Variants in LYST observed in about 807,000 individuals in gnomAD.
The protein encoded by LYST is lysosomal-trafficking regulator.
Under a neutral mutation model 413.6 loss-of-function variants are expected in LYST, and 192 were observed. That is an observed-to-expected ratio of 0.46 (90% CI 0.41 to 0.52). LYST has a LOEUF of 0.52. Ranked by LOEUF, LYST falls within the 20% of genes least tolerant of loss-of-function variation. LYST has a pLI of 0.00. For synonymous variants in LYST, 1,525 were observed against 1,567.3 expected, an observed-to-expected ratio of 0.97 and a Z score of 0.64; for missense variants, 3,815 against 4,499.9, an observed-to-expected ratio of 0.85 and a Z score of 4.35.
At chr1:235,815,475 G>A (rs185081812) in intron 3 of LYST, among the ~76,000 whole-genome samples, 209 of 152,212 alleles carry the variant, frequency 1.4e-3, no homozygotes, top group African/African-American at 4.9e-3. Context: ...GAAAAGATTT[G>A]GAGGAAAAGG....
rs112426479 is a variant in LYST, at chr1:235,751,304, G to A, written c.7686C>T (p.Thr2562=). The part of the protein sequence containing the change: ...VLQAAMEFIR[T]TANHDSENLT... ...GGTTTTCAGAGTCATGATTTGCGGT[G>A]GTCCTTATAAATTCCATAGCAGCCT... Residue 2562 remains threonine, a synonymous_variant, in exon 28 of 53, where the codon ACC becomes ACT. Transcript: ENST00000389793. The A allele has an allele frequency of 3.3e-5, 53 of 1,613,388 alleles. 1 individual carries two copies. The African/African-American group carries it at 3.5e-4, about 11-fold the overall frequency.
chr1:235,701,611 G>A (rs1488035370), intron 45 of LYST, among the ~76,000 whole-genome samples: 1 of 152,146 alleles, frequency 6.6e-6, no homozygotes, highest in Non-Finnish European at 1.5e-5. Context: ...CTGGGCGACA[G>A]AGCGAGACTC....
At position 235,686,633 on chromosome 1, in the gene LYST, T is replaced by G. The variant is rs1353156893; in HGVS notation, c.10800+316A>C. On this transcript the variant is annotated intron_variant, in intron 48 of 52. Transcript: ENST00000389793. This position sits in a 1 kb window ranked among gnomAD's most constrained non-coding sequence, Gnocchi z 4.0. ...TTTCTAAGCTTTCAAACTGATAGAC[T>G]CTTACAGTATACTCCTAAGGATTCA... 6.6e-6 allele frequency among the ~76,000 whole-genome samples: 1 copy of G among 152,158 alleles called. No homozygotes were observed. Among genetic ancestry groups the G allele is most frequent in the Admixed American group, 6.5e-5 (1 of 15,284 alleles).
intron 3 of LYST, among the ~76,000 whole-genome samples, chr1:235,816,843 C>T (rs990777083): frequency 1.3e-5 from 2 of 152,088 alleles, no homozygotes; most frequent in Admixed American, 1.3e-4. Context: ...CGAAGGATGC[C>T]AAAAGCAATC....
chr1:235,737,111 T>C (rs1364533124), intron 31 of LYST: 1 of 152,124 alleles, frequency 6.6e-6, no homozygotes, highest in African/African-American at 2.4e-5. Flanking sequence ...GAAAACTATT[T>C]TAAGTGCTTT....
At chr1:235,817,346 C>T (rs1253288058) in intron 3 of LYST, among the ~76,000 whole-genome samples, 3 of 152,144 alleles carry the variant, frequency 2.0e-5, no homozygotes, top group Non-Finnish European at 4.4e-5. Flanking sequence ...ACAGAACTAC[C>T]ATTCAACCCA....
rs1558284679 is a variant in LYST, at chr1:235,810,030, G to C, written c.788C>G (p.Ser263Cys). The change falls in exon 5 of 53, where the codon TCT becomes TGT. Residue 263 changes from serine to cysteine, a missense_variant. Around this residue, in one of 4 missense-constraint regions of LYST, gnomAD observed 1,648 missense variants for 1,810.3 expected, o/e 0.91. Coordinates refer to ENST00000389793, the MANE Select transcript of LYST (RefSeq NM_000081.4). ...AAACTTACAAACTTTTTCTAATAAA[G>C]ATAACAAAACATGACATAAGTCAAA... Reference protein sequence around the residue: ...SPFDLCHVLLSLLEKVCKFDV... With the variant: ...SPFDLCHVLLCLLEKVCKFDV... The C allele has an allele frequency of 6.2e-7, 1 of 1,613,964 alleles. No homozygotes were observed. The highest frequency in any genetic ancestry group is 8.5e-7 in the Non-Finnish European group (1 of 1,179,940).
intron 1 of LYST, among the ~76,000 whole-genome samples, chr1:235,882,050 TCACA>T (rs1355954772): frequency 2.2e-5 from 3 of 138,346 alleles, no homozygotes; most frequent in Admixed American, 7.1e-5. Context: ...ACACACACAC[TCACA>T]CATACACACA....
At chr1:235,733,452 A>G (rs765612983) in intron 34 of LYST, 51 bp downstream of exon 34, 4 of 1,462,292 alleles carry the variant, frequency 2.7e-6, no homozygotes, top group Non-Finnish European at 2.9e-6. Context: ...TTTAACATCA[A>G]TATCTTAAAT....
rs149855689 is a variant in LYST, at chr1:235,679,724, A to C, written c.10801-2105T>G. On this transcript the variant is annotated intron_variant, in intron 48 of 52. Coordinates refer to ENST00000389793, the MANE Select transcript of LYST (RefSeq NM_000081.4). ...GATCCTAGACAAACCAGGGAATTCCAGGGTTCTCCCATGCAACTCATTTTC... is the reference window on the plus strand; with the variant it reads ...GATCCTAGACAAACCAGGGAATTCCCGGGTTCTCCCATGCAACTCATTTTC... Among the ~76,000 whole-genome samples the C allele has an allele frequency of 4.9e-4, 75 of 152,250 alleles. 1 individual carries two copies. The East Asian group carries it at 0.01, about 20-fold the overall frequency.
chr1:235,711,954 T>A, intron 43 of LYST, 103 bp downstream of exon 43: 1 of 803,648 alleles, frequency 1.2e-6, no homozygotes, highest in Non-Finnish European at 1.9e-6. Context: ...ATTTGGGGAC[T>A]CAAAAATTTT....
At chr1:235,838,155 A>G (rs1430421749) in intron 1 of LYST, among the ~76,000 whole-genome samples, 1 of 152,184 alleles carries the variant, frequency 6.6e-6, no homozygotes, top group East Asian at 1.9e-4. Context: ...TCTTGGTGCA[A>G]TAAACAGCAA....
chr1:235,687,099 AAAGTAT>A (rs769033679), intron 47 of LYST, 52 bp from the exon 48 acceptor site: 8 of 1,191,844 alleles, frequency 6.7e-6, no homozygotes, highest in Non-Finnish European at 9.9e-6. Flanking sequence ...AATGAAACTT[AAAGTAT>A]AATAAAAATA....
chr1:235,762,438 A>G (rs1185528924), intron 22 of LYST, among the ~76,000 whole-genome samples: 1 of 152,170 alleles, frequency 6.6e-6, no homozygotes, highest in Non-Finnish European at 1.5e-5. Context: ...GGTAGACAGA[A>G]GAGAATAAAA....
intron 3 of LYST, among the ~76,000 whole-genome samples, chr1:235,818,746 A>G (rs1674437022): frequency 6.6e-6 from 1 of 152,196 alleles, no homozygotes; most frequent in Non-Finnish European, 1.5e-5. Context: ...TGGAGCTTGC[A>G]GAAACCTCAA....
intron 44 of LYST, among the ~76,000 whole-genome samples, chr1:235,706,147 C>A (rs747370188): frequency 1.3e-5 from 2 of 152,094 alleles, no homozygotes; most frequent in Non-Finnish European, 2.9e-5. Flanking sequence ...AAAAATCAGA[C>A]CCGAAGCCTT....
intron 11 of LYST, among the ~76,000 whole-genome samples, chr1:235,793,155 A>C (rs2103533699): frequency 6.6e-6 from 1 of 152,338 alleles, no homozygotes; most frequent in African/African-American, 2.4e-5. Context: ...GTGGATAATA[A>C]CCTTTTGAAA....
chr1:235,689,023 T>TAACAAC (rs1241514809), intron 47 of LYST, among the ~76,000 whole-genome samples: 6 of 76,578 alleles, frequency 7.8e-5, no homozygotes, highest in East Asian at 4.3e-4. Flanking sequence ...ATAATAATAA[T>TAACAAC]AATAACAACA....
chr1:235,744,852 A>G (rs1435951731), intron 29 of LYST, among the ~76,000 whole-genome samples: 1 of 151,264 alleles, frequency 6.6e-6, no homozygotes, highest in African/African-American at 2.4e-5. Context: ...GTGAGCTGAG[A>G]TCATACCACT....
Sources: gnomAD v4.1 joint callset for allele counts (sites outside exome capture counted in the v4.1 genomes callset) on GRCh38, gnomAD v4.1.1 for gene constraint, gnomAD v4.1.1 regional missense constraint, Gnocchi (gnomAD v3.1) non-coding constraint, MANE v1.5 for transcripts, NCBI Gene and HGNC (gene_info 2026-07-23, HGNC 2026-07-21) for gene names.